The following STPG2 variants were observed in gnomAD, a reference collection of about 807,000 sequenced individuals.
STPG2 encodes sperm tail PG-rich repeat containing 2, also known as sperm-tail PG-rich repeat-containing protein 2.
STPG2 carries 56 observed loss-of-function variants against 54.2 expected under a neutral mutation model. The ratio of observed to expected loss-of-function variants is 1.03; its 90% CI spans 0.83 to 1.29. The LOEUF is 1.29. STPG2 is among the 50% of genes most tolerant of loss of function. STPG2 has a pLI of 0.00. For synonymous variants in STPG2, 200 were observed against 181.8 expected (o/e 1.10, Z -0.81); for missense variants, 596 against 544.9 (o/e 1.09, Z -0.93).
At chr4:97,903,973 C>T (rs1298894903) in intron 8 of STPG2, among the ~76,000 whole-genome samples, 2 of 152,194 alleles carry the variant, frequency 1.3e-5, no homozygotes, top group Non-Finnish European at 2.9e-5. Context: ...TCGCTGATTG[C>T]TAGCACAGCA....
At chr4:98,082,646 G>A (rs1200854767) in intron 5 of STPG2, among the ~76,000 whole-genome samples, 1 of 151,274 alleles carries the variant, frequency 6.6e-6, no homozygotes, top group Non-Finnish European at 1.5e-5. Flanking sequence ...TAGAGACGGG[G>A]TTTCGCCACG....
intron 9 of STPG2, among the ~76,000 whole-genome samples, chr4:97,774,093 T>C (rs1225937587): frequency 6.6e-6 from 1 of 151,936 alleles, no homozygotes; most frequent in Non-Finnish European, 1.5e-5. Flanking sequence ...TTAAGCAAAC[T>C]GGTCTTTTAT....
chr4:97,702,506 G>A (rs535695148), intron 10 of STPG2, among the ~76,000 whole-genome samples: 1 of 152,116 alleles, frequency 6.6e-6, no homozygotes, highest in Non-Finnish European at 1.5e-5. Context: ...AGAAGCAAAT[G>A]GGGGCATTAG....
chr4:97,482,637 G>A (rs1474846563), intron 4 of STPG2, among the ~76,000 whole-genome samples: 1 of 151,508 alleles, frequency 6.6e-6, no homozygotes, highest in Non-Finnish European at 1.5e-5. Context: ...ACATATTTGG[G>A]GGAATAATCA....
At chr4:97,888,573 A>C (rs1036744580) in intron 8 of STPG2, among the ~76,000 whole-genome samples, 1 of 152,158 alleles carries the variant, frequency 6.6e-6, no homozygotes, top group Non-Finnish European at 1.5e-5. Context: ...TGTATCTTGG[A>C]AGTAACTAGT....
At chr4:97,943,790 G>T in intron 8 of STPG2, 107 bp downstream of exon 8, 3 of 763,634 alleles carry the variant, frequency 3.9e-6, no homozygotes, top group African/African-American at 1.8e-5. Flanking sequence ...GGAGGTTACA[G>T]CACGCTACCA....
intron 4 of STPG2, among the ~76,000 whole-genome samples, chr4:97,471,374 T>C (rs1729923624): frequency 6.6e-6 from 1 of 152,152 alleles, no homozygotes; most frequent in African/African-American, 2.4e-5. Context: ...TCTGAGTAAA[T>C]GTTTCCTGGC....
chr4:98,061,954 C>G lies in STPG2; in HGVS notation c.612+43999G>C, dbSNP rs561103560. On this transcript the variant is annotated intron_variant, in intron 5 of 10. Coordinates refer to ENST00000295268, the MANE Select transcript of STPG2 (RefSeq NM_174952.3). ...AGCAATCCCATTGCTAAGTATATAC[C>G]CAGAGGAATATAAATGATTCTACCA... 8.5e-5 allele frequency among the ~76,000 whole-genome samples: 13 copies of G among 152,068 alleles called. No individual in the cohort carries two copies. In the South Asian group the frequency reaches 2.7e-3, roughly 32 times the overall value.
chr4:97,649,978 A>T (rs1192769305), intron 10 of STPG2, among the ~76,000 whole-genome samples: 1 of 152,166 alleles, frequency 6.6e-6, no homozygotes, highest in Non-Finnish European at 1.5e-5. Flanking sequence ...CCACAACTAG[A>T]CAGTCCCATG....
intron 9 of STPG2, among the ~76,000 whole-genome samples, chr4:97,791,721 A>G (rs927127251): frequency 6.6e-6 from 1 of 152,222 alleles, no homozygotes; most frequent in East Asian, 1.9e-4. Context: ...TTAATGACAC[A>G]GTAATCATAT....
intron 9 of STPG2, among the ~76,000 whole-genome samples, chr4:97,759,093 G>A (rs1725814285): frequency 1.3e-5 from 2 of 152,116 alleles, no homozygotes; most frequent in South Asian, 4.1e-4. Context: ...CATTAGTGAG[G>A]GAAGTCTCAA....
intron 9 of STPG2, among the ~76,000 whole-genome samples, chr4:97,721,563 G>C (rs563340465): frequency 2.2e-4 from 33 of 152,042 alleles, no homozygotes; most frequent in African/African-American, 7.5e-4. Context: ...CTTATTATAA[G>C]ACTTATTTTG....
intron 4 of STPG2, among the ~76,000 whole-genome samples, chr4:97,499,922 A>G (rs1038452571): frequency 3.3e-5 from 5 of 152,036 alleles, no homozygotes; most frequent in Non-Finnish European, 7.4e-5. Flanking sequence ...GCCTGGAGGC[A>G]GGTCTATTGC....
At chr4:97,764,460 T>C (rs1389616554) in intron 9 of STPG2, among the ~76,000 whole-genome samples, 2 of 152,136 alleles carry the variant, frequency 1.3e-5, no homozygotes, top group African/African-American at 4.8e-5. Flanking sequence ...ACTAAGGAAA[T>C]GCAGCATAAA....
At chr4:97,808,697 C>CAA (rs35441618) in intron 9 of STPG2, among the ~76,000 whole-genome samples, 19,860 of 142,216 alleles carry the variant, frequency 0.14, 2,038 homozygotes, top group African/African-American at 0.28. Flanking sequence ...AGACAAAAAC[C>CAA]AAAAAAAAAA....
rs558224205 is a variant in STPG2, at chr4:97,957,542, G to T, written c.934-13535C>A. Among the ~76,000 whole-genome samples, 5 of 152,174 alleles carry T rather than the reference G, an allele frequency of 3.3e-5. No individual in the cohort carries two copies. The South Asian group carries it at 1.0e-3, about 32-fold the overall frequency. On this transcript the variant is annotated intron_variant, in intron 7 of 10. Transcript: ENST00000295268. ...CGTTCCCAGCCTTGCTAAAGACCTA[G>T]ACATCCAAATACAAGAAGCTGAAAA...
chr4:97,864,159 T>C (rs1372222945), intron 8 of STPG2, among the ~76,000 whole-genome samples: 4 of 152,120 alleles, frequency 2.6e-5, no homozygotes, highest in Non-Finnish European at 5.9e-5. Context: ...AGTCAAATTG[T>C]CCCTGTTTGC....
chr4:97,657,354 C>T (rs1238630195), intron 10 of STPG2, among the ~76,000 whole-genome samples: 2 of 152,114 alleles, frequency 1.3e-5, no homozygotes, highest in Admixed American at 6.6e-5. Flanking sequence ...ATCATCTTTG[C>T]TATGATGCCA....
chr4:97,479,422 AAAGAT>A (rs2148819922), intron 4 of STPG2, among the ~76,000 whole-genome samples: 1 of 152,106 alleles, frequency 6.6e-6, no homozygotes, highest in African/African-American at 2.4e-5. Context: ...CTTCTGCATA[AAAGAT>A]AAGAAGCTTT....
Sources: gnomAD v4.1 joint callset for allele counts (sites outside exome capture counted in the v4.1 genomes callset) on GRCh38, gnomAD v4.1.1 for gene constraint, MANE v1.5 for transcripts, NCBI Gene and HGNC (gene_info 2026-07-23, HGNC 2026-07-21) for gene names.